The following STK11IP variants were observed in gnomAD, a reference collection of about 807,000 sequenced individuals.
STK11IP encodes serine/threonine-protein kinase 11-interacting protein.
Under a neutral mutation model 131.7 loss-of-function variants are expected in STK11IP, and 103 were observed. That is an observed-to-expected ratio of 0.78 (90% CI 0.67 to 0.92). The LOEUF is 0.92. Ranked by LOEUF, STK11IP falls within the 40% of genes least tolerant of loss-of-function variation. The pLI is 0.00. For missense variants in STK11IP, 1,315 were observed against 1,385.7 expected (o/e 0.95, Z 0.81); for synonymous variants, 557 against 575.6 (o/e 0.97, Z 0.46).
Position 219,613,128 on chromosome 2 carries a change from G to C in STK11IP, c.2440G>C (p.Val814Leu), listed in dbSNP as rs1698446492. 1 of 1,611,500 alleles carries C rather than the reference G, an allele frequency of 6.2e-7. No individual in the cohort carries two copies. The highest frequency in any genetic ancestry group is 2.2e-5 in the East Asian group (1 of 44,826). Residue 814 changes from valine (V) to leucine (L), a missense_variant and splice_region_variant, in exon 20 of 25, where the codon GTG (valine) becomes CTG (leucine). Physicochemically the swap from Val to Leu is conservative, Grantham distance 32. Transcript: ENST00000456909. Reference sequence around the variant, plus strand: ...TCTCACCAACTTCCTCTTCCCCCAGGTGCCAGTGGCATTGGCAGGCCACAC... The same window carrying C: ...TCTCACCAACTTCCTCTTCCCCCAGCTGCCAGTGGCATTGGCAGGCCACAC... ...AQEEFQCCLK[V>L]PVALAGHTGE...
chr2:219,601,088 G>C (rs1574611878), intron 2 of STK11IP, 147 bp from the exon 3 acceptor site: 2 of 648,786 alleles, frequency 3.1e-6, no homozygotes, highest in Admixed American at 3.0e-5. Flanking sequence ...ATGCTTTTGA[G>C]CTGAGAAGGA....
Position 219,606,535 on chromosome 2 carries a change from G to A in STK11IP, c.987+18G>A. 2 of 1,612,684 alleles carry A rather than the reference G, an allele frequency of 1.2e-6. No homozygotes were observed. Among genetic ancestry groups the A allele is most frequent in the Middle Eastern group, 1.7e-4 (1 of 6,034 alleles). ...ATTTTCAGGTCGGTGTGGTTGGGGG[G>A]CGAGGACTGTTGGGGGAAGACACGA... is the stretch of plus-strand genomic sequence containing the variant. On this transcript the variant is annotated intron_variant, in intron 11 of 24. Coordinates refer to ENST00000456909, the MANE Select transcript of STK11IP (RefSeq NM_052902.4).
At chr2:219,602,209 CCTCT>C in intron 5 of STK11IP, 126 bp downstream of exon 5, 1 of 725,966 alleles carries the variant, frequency 1.4e-6, no homozygotes, top group Non-Finnish European at 2.3e-6. Flanking sequence ...GTCCTCACTC[CCTCT>C]CTGTGTTCCC....
Position 219,613,172 on chromosome 2 carries a change from TGTG to T in STK11IP, c.2487_2489del (p.Val831del). 6.2e-7 allele frequency: 1 copy of T among 1,601,502 alleles called. No individual in the cohort carries two copies. Among genetic ancestry groups the T allele is most frequent in the Non-Finnish European group, 8.5e-7 (1 of 1,172,624 alleles). ...GCCACACTGGGGAGTTCATGTGCCT[TGTG>T]GTTGTGTCTGACCGCAGGCTGTACC... On this transcript the variant is annotated inframe_deletion, in exon 20 of 25. Transcript: ENST00000456909.
rs202143390 is a variant in STK11IP, at chr2:219,608,647, A to G, written c.1668A>G (p.Glu556=). 17 of 1,613,474 alleles carry G rather than the reference A, an allele frequency of 1.1e-5. No individual in the cohort carries two copies. The highest frequency in any genetic ancestry group is 1.4e-5 in the Non-Finnish European group (16 of 1,179,706). ...GGCCTGAGGGCGTACGGGGCAGGGA[A>G]TGCTTTCTCAGGGTCACTTCTGCCC... ...LEGPEGVRGR[E]CFLRVTSAHL... is the part of the protein sequence containing the mutation. Residue 556 remains glutamate (E), a synonymous_variant, in exon 15 of 25, where the codon GAA becomes GAG. Transcript: ENST00000456909.
At chr2:219,604,034 T>A (rs929095168) in intron 7 of STK11IP, among the ~76,000 whole-genome samples, 1 of 152,174 alleles carries the variant, frequency 6.6e-6, no homozygotes, top group African/African-American at 2.4e-5. Flanking sequence ...GAAGCCCTTC[T>A]GGGTTTGCTA....
In STK11IP at chr2:219,615,336, G is replaced by A; in HGVS notation, c.3112G>A (p.Asp1038Asn). The A allele has an allele frequency of 1.2e-6, 2 of 1,600,390 alleles. No individual in the cohort carries two copies. Among genetic ancestry groups the A allele is most frequent in the Non-Finnish European group, 1.7e-6 (2 of 1,178,748 alleles). ...APEDLRLLFY[D>N]EVSRLESFWA... is the part of the protein sequence containing the mutation. Reference sequence around the variant, plus strand: ...TGAGGACTTGCGGCTGCTCTTCTACGATGAGGTGTGTATGTGTATCTCCAG... The same window carrying A: ...TGAGGACTTGCGGCTGCTCTTCTACAATGAGGTGTGTATGTGTATCTCCAG... The change falls in exon 24 of 25, where the codon GAT becomes AAT. Residue 1038 changes from aspartate (D) to asparagine (N), a missense_variant. By Grantham distance (23) the Asp-to-Asn change is conservative (BLOSUM62 1). Coordinates refer to ENST00000456909, the MANE Select transcript of STK11IP (RefSeq NM_052902.4).
In STK11IP at chr2:219,609,358, G is replaced by A. The variant is rs745325972; in HGVS notation, c.1927-5G>A. ...CACAGCTGCCTCTGATCCACCCTCT[G>A]TCAGGAGCTGCTTGCCGTGTTGACC... On this transcript the variant is annotated splice_region_variant and splice_polypyrimidine_tract_variant and intron_variant, in intron 16 of 24. Transcript: ENST00000456909. 34 of 1,613,364 alleles carry A rather than the reference G, an allele frequency of 2.1e-5. No homozygotes were observed. The highest frequency in any genetic ancestry group is 2.6e-5 in the Non-Finnish European group (31 of 1,179,692).
chr2:219,601,917 C>A, intron 4 of STK11IP, 71 bp from the exon 5 acceptor site: 1 of 1,404,082 alleles, frequency 7.1e-7, no homozygotes, highest in Non-Finnish European at 9.9e-7. Context: ...CTCCTCCCAA[C>A]TAGGGGATGG....
rs761944623 is a variant in STK11IP at position 219,606,109 on chromosome 2, C to G, written c.849+50C>G. 1.6e-5 allele frequency: 25 copies of G among 1,546,174 alleles called. 1 individual carries two copies. The East Asian group carries it at 4.6e-4, about 28-fold the overall frequency. On this transcript the variant is annotated intron_variant, in intron 9 of 24. Coordinates refer to ENST00000456909, the MANE Select transcript of STK11IP (RefSeq NM_052902.4). ...CTGGGAACCACCCTTGCACGTACCC[C>G]CCCATGCTGGTTTGGTCAGTGCCTT...
intron 23 of STK11IP, 80 bp downstream of exon 23, chr2:219,614,626 G>A (rs751706212): frequency 7.1e-7 from 1 of 1,403,416 alleles, no homozygotes; most frequent in East Asian, 2.3e-5. Flanking sequence ...CGCAGCACCT[G>A]TACAGTGCCC....
rs371322000 is a variant in STK11IP at position 219,607,040 on chromosome 2, C to T, written c.1135-13C>T. 7.4e-6 allele frequency: 12 copies of T among 1,613,774 alleles called. No individual in the cohort carries two copies. Among genetic ancestry groups the T allele is most frequent in the South Asian group, 1.1e-5 (1 of 91,084 alleles). On this transcript the variant is annotated splice_polypyrimidine_tract_variant and intron_variant, in intron 12 of 24. Coordinates refer to ENST00000456909, the MANE Select transcript of STK11IP (RefSeq NM_052902.4). ...TTGGCTTTCACAGAACTTCTTCCCTCCACCAACCTCAGAGCCGAGTCCGTG... is the reference window on the plus strand; with the variant it reads ...TTGGCTTTCACAGAACTTCTTCCCTTCACCAACCTCAGAGCCGAGTCCGTG...
chr2:219,601,907 C>T (rs1449204228), intron 4 of STK11IP, 81 bp from the exon 5 acceptor site: 2 of 1,364,774 alleles, frequency 1.5e-6, no homozygotes, highest in South Asian at 1.2e-5. Context: ...GGTCTTCTCC[C>T]TCCTCCCAAC....
chr2:219,602,847 G>T, intron 7 of STK11IP, 71 bp downstream of exon 7: 1 of 1,471,252 alleles, frequency 6.8e-7, no homozygotes, highest in South Asian at 1.2e-5. Flanking sequence ...CTCTCTCCTT[G>T]ACCAGCTTTT....
chr2:219,615,838 TCC>T, intron 24 of STK11IP: 1 of 746,298 alleles, frequency 1.3e-6, no homozygotes, highest in Non-Finnish European at 2.4e-6. Flanking sequence ...AAAAGACAGG[TCC>T]TCTGGAGGCT....
rs73089148 is a variant in STK11IP, at chr2:219,609,593, A to C, written c.2104+53A>C. 11,684 of 1,548,368 alleles carry C rather than the reference A, an allele frequency of 7.5e-3. 676 individuals are homozygous for C. The African/African-American group carries it at 0.13, about 18-fold the overall frequency. On this transcript the variant is annotated intron_variant, in intron 17 of 24. Transcript: ENST00000456909. ...CCCACACGCCTCCCCTGTTCCAGGGAAAGTGGCTCTGTGTAGGGGAGTGTG... is the reference window on the plus strand; with the variant it reads ...CCCACACGCCTCCCCTGTTCCAGGGCAAGTGGCTCTGTGTAGGGGAGTGTG...
chr2:219,608,908 G>T (rs982288269), intron 15 of STK11IP, 120 bp downstream of exon 15: 2 of 1,235,528 alleles, frequency 1.6e-6, no homozygotes, highest in South Asian at 3.1e-5. Flanking sequence ...CCGAGGAGGG[G>T]AGCCTCAGAG....
chr2:219,609,668 C>CA, intron 17 of STK11IP, 128 bp downstream of exon 17: 1 of 1,119,182 alleles, frequency 8.9e-7, no homozygotes, highest in Non-Finnish European at 1.3e-6. Flanking sequence ...AGTTGTTCTG[C>CA]CTGGAGGAAA....
intron 5 of STK11IP, 120 bp from the exon 6 acceptor site, chr2:219,602,348 T>C: frequency 1.3e-6 from 1 of 784,986 alleles, no homozygotes; most frequent in Non-Finnish European, 2.0e-6. Context: ...GCTTTAAGCC[T>C]GTATCTTCAG....
Sources: gnomAD v4.1 joint callset for allele counts (sites outside exome capture counted in the v4.1 genomes callset) on GRCh38, gnomAD v4.1.1 for gene constraint, MANE v1.5 for transcripts, NCBI Gene and HGNC (gene_info 2026-07-23, HGNC 2026-07-21) for gene names.